Variants in CAPN13 observed in about 807,000 individuals in gnomAD.
CAPN13 encodes calpain-13.
CAPN13 carries 90 observed loss-of-function variants against 98.4 expected under a neutral mutation model. The ratio of observed to expected loss-of-function variants is 0.92; its 90% CI spans 0.77 to 1.09. The LOEUF is 1.09. Ranked by LOEUF, CAPN13 falls within the 50% of genes least tolerant of loss-of-function variation. The probability of loss-of-function intolerance (pLI) is 0.00; values close to 1 mark genes in which losing one functional copy is unlikely to be tolerated. For synonymous variants in CAPN13, 330 were observed against 305.5 expected (o/e 1.08, Z -0.84); for missense variants, 887 against 841.3 (o/e 1.05, Z -0.67).
intron 1 of CAPN13, among the ~76,000 whole-genome samples, chr2:30,788,729 C>T (rs1039793408): frequency 3.3e-5 from 5 of 152,154 alleles, no homozygotes; most frequent in Non-Finnish European, 7.3e-5. Flanking sequence ...TACATGTAAA[C>T]TTAACATAAC....
At chr2:30,745,008 T>A (rs1572804295) in intron 12 of CAPN13, among the ~76,000 whole-genome samples, 1 of 152,178 alleles carries the variant, frequency 6.6e-6, no homozygotes, top group Admixed American at 6.5e-5. Flanking sequence ...GGGCCACCAC[T>A]GTCACAGGCA....
At chr2:30,775,184 G>GT (rs1276813792) in intron 4 of CAPN13, among the ~76,000 whole-genome samples, 1 of 152,138 alleles carries the variant, frequency 6.6e-6, no homozygotes, top group Non-Finnish European at 1.5e-5. Context: ...TTAATATATG[G>GT]TAAGTAGTAG....
intron 1 of CAPN13, among the ~76,000 whole-genome samples, chr2:30,788,943 G>C (rs1210890147): frequency 6.6e-6 from 1 of 152,066 alleles, no homozygotes; most frequent in Non-Finnish European, 1.5e-5. Context: ...CATTTTTGTA[G>C]GTCAAAAATG....
chr2:30,757,743 T>C (rs748359074), intron 8 of CAPN13, among the ~76,000 whole-genome samples: 1 of 152,244 alleles, frequency 6.6e-6, no homozygotes, highest in Non-Finnish European at 1.5e-5. Context: ...GGAATGTGGA[T>C]TCCCTGCTGT....
chr2:30,759,009 T>C, intron 7 of CAPN13, among the ~76,000 whole-genome samples: 1 of 116,084 alleles, frequency 8.6e-6, no homozygotes, highest in African/African-American at 3.3e-5. Flanking sequence ...CCTTTTCCCT[T>C]CCCTGCTCCT....
At chr2:30,804,433 C>G (rs942704848) in intron 1 of CAPN13, among the ~76,000 whole-genome samples, 61 of 152,148 alleles carry the variant, frequency 4.0e-4, no homozygotes, top group Admixed American at 3.5e-3. Flanking sequence ...GAACTCCTGA[C>G]CTCAGGCAAT....
chr2:30,794,930 T>C (rs1674782261), intron 1 of CAPN13, among the ~76,000 whole-genome samples: 1 of 151,834 alleles, frequency 6.6e-6, no homozygotes, highest in Non-Finnish European at 1.5e-5. Flanking sequence ...GATAGAAATA[T>C]TTTCATCTTG....
At chr2:30,781,400 T>A (rs1673977193) in intron 2 of CAPN13, among the ~76,000 whole-genome samples, 1 of 152,176 alleles carries the variant, frequency 6.6e-6, no homozygotes, top group African/African-American at 2.4e-5. Context: ...CCTAACTGCA[T>A]CACGGAGCGC....
rs567740225 is a variant in CAPN13, at chr2:30,743,130, T to C, written c.1445+253A>G. 5.8e-6 allele frequency: 3 copies of C among 514,986 alleles called. No individual in the cohort carries two copies. In the South Asian group the frequency reaches 8.2e-5, roughly 14 times the overall value. The allele number at this position is 514,986 out of a possible 1,614,324, so 31.9% of individuals were successfully genotyped here. On this transcript the variant is annotated intron_variant, in intron 13 of 22. Coordinates refer to ENST00000295055, the MANE Select transcript of CAPN13 (RefSeq NM_144575.3). ...TCAAGAAGCCTTCCTCAGTCCCTCTTGCCACTCAGTCCTCCCGTGCCACTT... is the reference window on the plus strand; with the variant it reads ...TCAAGAAGCCTTCCTCAGTCCCTCTCGCCACTCAGTCCTCCCGTGCCACTT...
chr2:30,754,861 C>G (rs931762603), intron 8 of CAPN13, among the ~76,000 whole-genome samples: 8 of 152,198 alleles, frequency 5.3e-5, no homozygotes. Context: ...CCTGGTCTCC[C>G]TGAACTCAGT....
chr2:30,803,612 A>G (rs1322116723), intron 1 of CAPN13, among the ~76,000 whole-genome samples: 2 of 152,178 alleles, frequency 1.3e-5, no homozygotes, highest in Non-Finnish European at 2.9e-5. Flanking sequence ...CTCCAGCCCA[A>G]GTCCTTAGAG....
chr2:30,771,167 A>G (rs1673391164), intron 4 of CAPN13, among the ~76,000 whole-genome samples: 1 of 152,244 alleles, frequency 6.6e-6, no homozygotes, highest in South Asian at 2.1e-4. Context: ...TCAACTCTAT[A>G]TAGTTCACCG....
rs537958308 is a variant in CAPN13, at chr2:30,763,247, T to G, written c.700-91A>C. ...CAGTCCAAACAGCCACTGAGCCATCTGGGCCTCACTGACTCACTTGGGACT... is the reference window on the plus strand; with the variant it reads ...CAGTCCAAACAGCCACTGAGCCATCGGGGCCTCACTGACTCACTTGGGACT... On this transcript the variant is annotated intron_variant, in intron 6 of 22. Transcript: ENST00000295055. 20 of 1,102,160 alleles carry G rather than the reference T, an allele frequency of 1.8e-5. No homozygotes were observed. In the South Asian group the frequency reaches 2.6e-4, roughly 15 times the overall value. The allele number at this position is 1,102,160 out of a possible 1,614,324, so 68.3% of individuals were successfully genotyped here. A position where few individuals can be genotyped will look rare whatever the true frequency, so the allele number is the denominator to read the frequency against.
At chr2:30,759,040 C>T (rs867191051) in intron 7 of CAPN13, among the ~76,000 whole-genome samples, 1 of 53,090 alleles carries the variant, frequency 1.9e-5, no homozygotes, top group Admixed American at 1.9e-4. Context: ...CCCTCCCTCC[C>T]TCCTTCCTTC....
At position 30,777,736 on chromosome 2, in the gene CAPN13, C is replaced by T. The variant is rs1673776240; in HGVS notation, c.199-97G>A. The stretch of plus-strand genomic sequence containing the variant: ...TGTCTTTCAAGGGTCGAGGTTAATT[C>T]TTAAATAGGTGCTTAAAATCCGAGT... On this transcript the variant is annotated intron_variant, in intron 2 of 22. Transcript: ENST00000295055. 4.6e-5 allele frequency: 46 copies of T among 992,048 alleles called. 2 individuals are homozygous for T. In the South Asian group the frequency reaches 6.5e-4, roughly 14 times the overall value. The allele number at this position is 992,048 out of a possible 1,614,324, so 61.5% of individuals were successfully genotyped here.
chr2:30,723,471 C>A (rs558783512), intron 22 of CAPN13, among the ~76,000 whole-genome samples: 75 of 152,130 alleles, frequency 4.9e-4, no homozygotes, highest in Non-Finnish European at 9.1e-4. Context: ...GGCACCCCCC[C>A]ACCTGTCCTG....
intron 8 of CAPN13, among the ~76,000 whole-genome samples, chr2:30,756,798 C>T (rs774547810): frequency 6.6e-6 from 1 of 152,274 alleles, no homozygotes; most frequent in Admixed American, 6.5e-5. Context: ...GGAGGGGGTT[C>T]GGCTGCCCGA....
chr2:30,786,908 T>C (rs1674310170), intron 2 of CAPN13, among the ~76,000 whole-genome samples: 1 of 152,212 alleles, frequency 6.6e-6, no homozygotes, highest in Non-Finnish European at 1.5e-5. Flanking sequence ...GTGGTGTACT[T>C]AGTGTTAGAA....
intron 5 of CAPN13, among the ~76,000 whole-genome samples, chr2:30,765,663 T>C (rs1002898086): frequency 1.3e-5 from 2 of 152,202 alleles, no homozygotes; most frequent in African/African-American, 4.8e-5. Flanking sequence ...TGACATTCTC[T>C]CTTCCTGGGG....
Sources: allele counts gnomAD v4.1 joint callset (sites outside exome capture counted in the v4.1 genomes callset), GRCh38; gene constraint gnomAD v4.1.1; transcripts MANE v1.5; gene names NCBI Gene and HGNC (gene_info 2026-07-23, HGNC 2026-07-21).